The following STX8 variants were observed in gnomAD, a reference collection of about 807,000 sequenced individuals.
The protein encoded by STX8 is syntaxin 8.
A neutral mutation model predicts 37.5 loss-of-function variants in STX8; 23 were observed. The observed-to-expected ratio is 0.61, with a 90% CI of 0.44 to 0.87. The LOEUF is 0.87. Among genes scored for constraint, STX8 ranks in the 40% least tolerant of loss-of-function variants. STX8 has a pLI of 0.00. For missense variants in STX8, 313 were observed against 284.7 expected, an observed-to-expected ratio of 1.10 and a Z score of -0.71; for synonymous variants, 115 against 99.1, an observed-to-expected ratio of 1.16 and a Z score of -0.95.
chr17:9,359,038 T>C (rs1022739703), intron 7 of STX8, among the ~76,000 whole-genome samples: 4 of 149,070 alleles, frequency 2.7e-5, no homozygotes, highest in African/African-American at 7.4e-5. Flanking sequence ...GAACTAAGGC[T>C]TTTTTTTTTC....
chr17:9,281,430 G>A (rs1418758475), intron 7 of STX8, among the ~76,000 whole-genome samples: 1 of 152,190 alleles, frequency 6.6e-6, no homozygotes, highest in East Asian at 1.9e-4. Flanking sequence ...AGAAGATCGT[G>A]AGCCTAGTTC....
At chr17:9,422,640 T>A (rs975972421) in intron 6 of STX8, among the ~76,000 whole-genome samples, 1 of 152,288 alleles carries the variant, frequency 6.6e-6, no homozygotes, top group East Asian at 1.9e-4. Context: ...TTCCTATTTA[T>A]GGCTGAATAA....
chr17:9,565,338 A>G (rs548725019), intron 2 of STX8, among the ~76,000 whole-genome samples: 183 of 151,980 alleles, frequency 1.2e-3, no homozygotes, highest in African/African-American at 4.3e-3. Context: ...TCAGTTGACC[A>G]GGCACAGTGG....
chr17:9,538,933 G>A (rs1285456206), intron 4 of STX8, among the ~76,000 whole-genome samples: 1 of 152,088 alleles, frequency 6.6e-6, no homozygotes, highest in African/African-American at 2.4e-5. Context: ...CGAATATAAA[G>A]GGCGGGAGGG....
At chr17:9,488,597 C>A (rs1906706587) in intron 6 of STX8, among the ~76,000 whole-genome samples, 1 of 152,086 alleles carries the variant, frequency 6.6e-6, no homozygotes, top group East Asian at 1.9e-4. Context: ...AGGCACTCAA[C>A]CTACTGTTGT....
chr17:9,333,224 G>C (rs547375144), intron 7 of STX8, among the ~76,000 whole-genome samples: 8 of 152,194 alleles, frequency 5.3e-5, no homozygotes, highest in African/African-American at 9.6e-5. Flanking sequence ...GTATCCAATA[G>C]GTGGTTTTTC....
intron 4 of STX8, 138 bp from the exon 5 acceptor site, chr17:9,505,300 A>G: frequency 1.0e-6 from 1 of 964,152 alleles, no homozygotes; most frequent in Admixed American, 2.8e-5. Flanking sequence ...TCATTAGTTT[A>G]TGCCAGGAAC....
intron 4 of STX8, among the ~76,000 whole-genome samples, chr17:9,523,663 C>T (rs889632477): frequency 6.6e-6 from 1 of 152,196 alleles, no homozygotes; most frequent in Admixed American, 6.5e-5. Flanking sequence ...TTACTGTTTT[C>T]ACTTTACTGT....
At chr17:9,374,239 G>A (rs1231343200) in intron 7 of STX8, among the ~76,000 whole-genome samples, 6 of 152,022 alleles carry the variant, frequency 3.9e-5, no homozygotes, top group East Asian at 2.0e-4. Flanking sequence ...GTACCACCAC[G>A]CCTGGCTAAT....
chr17:9,568,879 GAAT>G (rs1907569968), intron 1 of STX8, among the ~76,000 whole-genome samples: 1 of 152,230 alleles, frequency 6.6e-6, no homozygotes, highest in South Asian at 2.1e-4. Context: ...CAGAGGGGAA[GAAT>G]AATAACATGA....
chr17:9,465,634 T>C (rs1184797649), intron 6 of STX8, among the ~76,000 whole-genome samples: 1 of 152,136 alleles, frequency 6.6e-6, no homozygotes, highest in Non-Finnish European at 1.5e-5. Context: ...GTTCAAACAT[T>C]TCTTCAAGCA....
chr17:9,350,105 C>T (rs923833993), intron 7 of STX8, among the ~76,000 whole-genome samples: 3 of 152,120 alleles, frequency 2.0e-5, no homozygotes, highest in East Asian at 1.9e-4. Flanking sequence ...TCATCTGGTT[C>T]GAGTAATCCT....
At chr17:9,326,869 A>C (rs1325526129) in intron 7 of STX8, among the ~76,000 whole-genome samples, 5 of 152,214 alleles carry the variant, frequency 3.3e-5, no homozygotes, top group African/African-American at 1.2e-4. Flanking sequence ...TCAAAAATGA[A>C]GATCTAATGG....
chr17:9,309,335 T>G (rs1296361624), intron 7 of STX8, among the ~76,000 whole-genome samples: 1 of 152,184 alleles, frequency 6.6e-6, no homozygotes, highest in Non-Finnish European at 1.5e-5. Context: ...CCAGCTAACA[T>G]GGGAAACCAT....
chr17:9,446,858 T>G (rs1020794641), intron 6 of STX8, among the ~76,000 whole-genome samples: 1 of 152,312 alleles, frequency 6.6e-6, no homozygotes, highest in Non-Finnish European at 1.5e-5. Context: ...TTTGTAACAA[T>G]GTATGAAGAG....
chr17:9,461,480 T>C (rs1168129771), intron 6 of STX8: 1 of 152,082 alleles, frequency 6.6e-6, no homozygotes, highest in Non-Finnish European at 1.5e-5. Context: ...CAATATAAAG[T>C]CAAGAAGAGA....
At chr17:9,303,841 G>A (rs1379257594) in intron 7 of STX8, among the ~76,000 whole-genome samples, 1 of 151,550 alleles carries the variant, frequency 6.6e-6, no homozygotes, top group Non-Finnish European at 1.5e-5. Context: ...TAAAGGTCTA[G>A]AAAAAAAATC....
chr17:9,543,298 TGG>T (rs1491367442), intron 4 of STX8, among the ~76,000 whole-genome samples: 1,529 of 25,730 alleles, frequency 0.059, 29 homozygotes, highest in African/African-American at 0.27. Context: ...GACAGTTTTT[TGG>T]TTTTTTTTTT....
intron 7 of STX8, among the ~76,000 whole-genome samples, chr17:9,343,720 C>G (rs1408933677): frequency 6.6e-6 from 1 of 152,086 alleles, no homozygotes; most frequent in Non-Finnish European, 1.5e-5. Flanking sequence ...ACAGACTGCT[C>G]CTGTTACCAA....
Sources: gnomAD v4.1 joint callset for allele counts (sites outside exome capture counted in the v4.1 genomes callset) on GRCh38, gnomAD v4.1.1 for gene constraint, MANE v1.5 for transcripts, NCBI Gene and HGNC (gene_info 2026-07-23, HGNC 2026-07-21) for gene names.